The following ARFGAP3 variants were observed in gnomAD, a reference collection of about 807,000 sequenced individuals.
ARFGAP3 encodes ARF GTPase activating protein 3.
A neutral mutation model predicts 75.0 loss-of-function variants in ARFGAP3; 72 were observed. That is an observed-to-expected ratio of 0.96 (90% CI 0.79 to 1.17). The LOEUF (loss-of-function observed/expected upper bound fraction) is 1.17. Among genes scored for constraint, ARFGAP3 ranks in the 50% most tolerant of loss-of-function variants. The pLI is 0.00. For synonymous variants in ARFGAP3, 221 were observed against 217.9 expected, an observed-to-expected ratio of 1.01 and a Z score of -0.13; for missense variants, 620 against 626.6, an observed-to-expected ratio of 0.99 and a Z score of 0.11.
At chr22:42,856,480 G>A (rs1455597445) in intron 1 of ARFGAP3, among the ~76,000 whole-genome samples, 3 of 151,988 alleles carry the variant, frequency 2.0e-5, no homozygotes, top group Non-Finnish European at 4.4e-5. Context: ...AAGTTCCAGG[G>A]AGAGAACAGC....
At chr22:42,805,324 AAAAC>A (rs1925070389) in intron 14 of ARFGAP3, among the ~76,000 whole-genome samples, 1 of 152,230 alleles carries the variant, frequency 6.6e-6, no homozygotes. Flanking sequence ...TTTTTTTAAA[AAAAC>A]AAACAGTGCT....
intron 11 of ARFGAP3, among the ~76,000 whole-genome samples, chr22:42,812,198 C>T (rs1049140560): frequency 8.6e-6 from 1 of 116,502 alleles, no homozygotes; most frequent in African/African-American, 3.5e-5. Flanking sequence ...ACACTCCAGC[C>T]TGGGTGACAG....
chr22:42,807,342 G>T, intron 13 of ARFGAP3, 179 bp from the exon 14 acceptor site: 1 of 844,664 alleles, frequency 1.2e-6, no homozygotes, highest in South Asian at 5.4e-5. Context: ...CTCATGTTCT[G>T]CATGGGAGGC....
chr22:42,827,596 C>T (rs1445364477), intron 6 of ARFGAP3, among the ~76,000 whole-genome samples: 2 of 152,186 alleles, frequency 1.3e-5, no homozygotes, highest in Admixed American at 6.5e-5. Context: ...AAATTCCTGA[C>T]CTCAGGTGGT....
At chr22:42,801,436 G>A (rs1402896906) in intron 14 of ARFGAP3, among the ~76,000 whole-genome samples, 3 of 152,218 alleles carry the variant, frequency 2.0e-5, no homozygotes, top group African/African-American at 2.4e-5. Flanking sequence ...CAGTGCAGGT[G>A]GGCAGGGGGT....
At chr22:42,830,774 TTGA>T (rs890451381) in intron 6 of ARFGAP3, among the ~76,000 whole-genome samples, 4 of 152,226 alleles carry the variant, frequency 2.6e-5, no homozygotes, top group African/African-American at 9.6e-5. Flanking sequence ...AATTTTGTTT[TTGA>T]TGATAAAAGT....
In ARFGAP3 at chr22:42,837,639, AC is replaced by A. The variant is rs1481177461; in HGVS notation, c.262-2147del. ...CTATCTCAAAAAAAAAAAAAAAAAA[AC>A]CAAAAAAAAGCCTTGAAACATCTAA... On this transcript the variant is annotated intron_variant, in intron 3 of 15. Transcript: ENST00000263245. 6.0e-3 allele frequency among the ~76,000 whole-genome samples: 759 copies of A among 125,978 alleles called. 13 individuals carry two copies. Among genetic ancestry groups the A allele is most frequent in the African/African-American group, 0.024 (709 of 29,522 alleles). 82.6% of individuals were successfully genotyped at this position (125,978 alleles called of 152,430 possible).
intron 3 of ARFGAP3, among the ~76,000 whole-genome samples, chr22:42,840,395 T>A (rs192643136): frequency 1.4e-4 from 21 of 152,208 alleles, no homozygotes; most frequent in Admixed American, 5.9e-4. Flanking sequence ...TCCCAAACTT[T>A]CAAGTATTGA....
chr22:42,857,159 G>T lies in ARFGAP3; in HGVS notation c.24C>A (p.Asp8Glu). The T allele has an allele frequency of 6.6e-7, 1 of 1,517,180 alleles. No individual in the cohort carries two copies. The highest frequency in any genetic ancestry group is 8.8e-7 in the Non-Finnish European group (1 of 1,130,338). The allele number at this position is 1,517,180 out of a possible 1,614,324, so 94.0% of individuals were successfully genotyped here. MGDPSKQ[D>E]ILTIFKRLRS... is the part of the protein sequence containing the mutation. ...GGAGGCGCTTGAAGATGGTCAAGAT[G>T]TCCTGCTTGCTGGGGTCCCCCATCG... Residue 8 changes from aspartate (D) to glutamate (E), a missense_variant, in exon 1 of 16, where the codon GAC becomes GAA. Physicochemically the swap from Asp to Glu is conservative, Grantham distance 45. Transcript: ENST00000263245.
At position 42,835,227 on chromosome 22, in the gene ARFGAP3, T is replaced by C. The variant is rs1926465670; in HGVS notation, c.393+135A>G. On this transcript the variant is annotated intron_variant, in intron 4 of 15. Coordinates refer to ENST00000263245, the MANE Select transcript of ARFGAP3 (RefSeq NM_014570.5). ...AATTTACAGAACATAACTACTTCAATAGTAAGAATCTACTGTACACTAATT... is the reference window on the plus strand; with the variant it reads ...AATTTACAGAACATAACTACTTCAACAGTAAGAATCTACTGTACACTAATT... 6.2e-6 allele frequency: 6 copies of C among 964,360 alleles called. No individual in the cohort carries two copies. The South Asian group carries it at 8.4e-5, about 13-fold the overall frequency. The allele number at this position is 964,360 out of a possible 1,614,324, so 59.7% of individuals were successfully genotyped here.
chr22:42,835,874 AC>A (rs1228013845), intron 3 of ARFGAP3, among the ~76,000 whole-genome samples: 10 of 152,206 alleles, frequency 6.6e-5, no homozygotes, highest in Non-Finnish European at 5.9e-5. Context: ...AAATGAAATA[AC>A]TAGTCCTCAT....
chr22:42,810,954 C>T lies in ARFGAP3; in HGVS notation c.1065-10G>A. ...TGGCTCGTCAAAGTAACTGTAGGAG[C>T]AAGAGTACAACAGTGACTTTGGAGG... On this transcript the variant is annotated splice_polypyrimidine_tract_variant and intron_variant, in intron 11 of 15. Coordinates refer to ENST00000263245, the MANE Select transcript of ARFGAP3 (RefSeq NM_014570.5). 6.2e-7 allele frequency: 1 copy of T among 1,613,566 alleles called. No homozygotes were observed.
At chr22:42,828,056 G>A (rs1462478496) in intron 6 of ARFGAP3, among the ~76,000 whole-genome samples, 3 of 152,028 alleles carry the variant, frequency 2.0e-5, no homozygotes, top group Admixed American at 1.3e-4. Context: ...AGGTCGAGGC[G>A]GGCAGATCAC....
chr22:42,827,054 T>G, intron 6 of ARFGAP3, 55 bp from the exon 7 acceptor site: 2 of 1,599,088 alleles, frequency 1.3e-6, no homozygotes, highest in Non-Finnish European at 1.7e-6. Flanking sequence ...CTAACTTGCT[T>G]TTGAATATAT....
chr22:42,825,534 G>C (rs1302349744), intron 7 of ARFGAP3, among the ~76,000 whole-genome samples: 1 of 151,894 alleles, frequency 6.6e-6, no homozygotes, highest in African/African-American at 2.4e-5. Flanking sequence ...AGTTTGCTGG[G>C]CATGGTGGCA....
At chr22:42,856,988 C>G (rs913374330) in intron 1 of ARFGAP3, 126 bp downstream of exon 1, 2 of 976,994 alleles carry the variant, frequency 2.0e-6, no homozygotes, top group East Asian at 8.4e-5. Flanking sequence ...GCCGCGGCCC[C>G]ACAGTGCGAC....
At chr22:42,804,478 T>C (rs1164451287) in intron 14 of ARFGAP3, among the ~76,000 whole-genome samples, 1 of 147,088 alleles carries the variant, frequency 6.8e-6, no homozygotes, top group Non-Finnish European at 1.5e-5. Flanking sequence ...ACCTCCCAGG[T>C]TCAAGCGATA....
chr22:42,836,029 C>A (rs1926507709), intron 3 of ARFGAP3, among the ~76,000 whole-genome samples: 1 of 141,568 alleles, frequency 7.1e-6, no homozygotes, highest in African/African-American at 2.7e-5. Context: ...ATTACCCAGG[C>A]TGCAATGCAG....
intron 3 of ARFGAP3, among the ~76,000 whole-genome samples, chr22:42,839,352 A>G (rs1019875674): frequency 6.6e-6 from 1 of 152,022 alleles, no homozygotes; most frequent in Non-Finnish European, 1.5e-5. Flanking sequence ...TAATTCCAGC[A>G]CTTTGAGAGG....
Sources: allele counts gnomAD v4.1 joint callset (sites outside exome capture counted in the v4.1 genomes callset), GRCh38; gene constraint gnomAD v4.1.1; transcripts MANE v1.5; gene names NCBI Gene and HGNC (gene_info 2026-07-23, HGNC 2026-07-21).